Variants in NFE2 observed in about 807,000 individuals in gnomAD.
The protein encoded by NFE2 is transcription factor NF-E2 45 kDa subunit.
A neutral mutation model predicts 25.8 loss-of-function variants in NFE2; 13 were observed. That is an observed-to-expected ratio of 0.50 (90% confidence interval 0.33 to 0.80). The LOEUF is 0.80. Ranked by LOEUF, NFE2 falls within the 30% of genes least tolerant of loss-of-function variation. The pLI is 0.02. For synonymous variants in NFE2, 204 were observed against 200.2 expected (o/e 1.02, Z -0.16); for missense variants, 382 against 478.9 (o/e 0.80, Z 1.89).
At position 54,292,728 on chromosome 12, in the gene NFE2, C is replaced by A. The variant is rs762940028; in HGVS notation, c.768G>T (p.Arg256Ser). The A allele has an allele frequency of 1.9e-6, 3 of 1,614,228 alleles. No homozygotes were observed. ...PVDDFNELLA[R>S]YPLTESQLAL... ...CTAGCTGGCTCTCTGTCAGCGGGTA[C>A]CTTGCCAATAGCTCATTAAAGTCAT... The change falls in exon 3 of 3, where the codon AGG becomes AGT. Residue 256 changes from arginine (R) to serine (S), a missense_variant. By Grantham distance (110) the Arg-to-Ser change is moderately radical. Transcript: ENST00000435572.
intron 1 of NFE2, chr12:54,297,979 C>A (rs1211953765): frequency 6.6e-6 from 1 of 152,058 alleles, no homozygotes; most frequent in Non-Finnish European, 1.5e-5. Flanking sequence ...TCCAGGATGC[C>A]ATTTCAACAC....
Position 54,295,257 on chromosome 12 carries a change from G to C in NFE2, c.-9C>G. 3.1e-6 allele frequency: 5 copies of C among 1,608,828 alleles called. No individual in the cohort carries two copies. The highest frequency in any genetic ancestry group is 4.3e-6 in the Non-Finnish European group (5 of 1,175,312). ...GGAGGACACGGGGACATCCTACTGGGCCAGAGTCTGGTCCAGGTTCCCGGA... is the reference window on the plus strand; with the variant it reads ...GGAGGACACGGGGACATCCTACTGGCCCAGAGTCTGGTCCAGGTTCCCGGA... On this transcript the variant is annotated 5_prime_UTR_variant, in exon 2 of 3. Coordinates refer to ENST00000435572, the MANE Select transcript of NFE2 (RefSeq NM_001136023.3).
At position 54,292,512 on chromosome 12, in the gene NFE2, C is replaced by T. The variant is rs1299000633; in HGVS notation, c.984G>A (p.Glu328=). The T allele has an allele frequency of 4.3e-6, 7 of 1,614,088 alleles. No homozygotes were observed. The Admixed American group carries it at 1.2e-4, about 27-fold the overall frequency. Residue 328 remains glutamate (E), a synonymous_variant, in exon 3 of 3, where the codon GAG becomes GAA. Transcript: ENST00000435572. The part of the protein sequence containing the change: ...TLEVMRQQLT[E]LYRDIFQHLR... ...GGTGCTGGAAAATGTCACGGTACAGCTCTGTCAGCTGTTGGCGCATGACCT... is the reference window on the plus strand; with the variant it reads ...GGTGCTGGAAAATGTCACGGTACAGTTCTGTCAGCTGTTGGCGCATGACCT...
In NFE2 at chr12:54,299,740, C is replaced by T. The variant is rs77829331; in HGVS notation, c.-57+1061G>A. Among the ~76,000 whole-genome samples the T allele has an allele frequency of 3.5e-3, 528 of 152,130 alleles. 15 individuals are homozygous for T. The highest frequency in any genetic ancestry group is 0.029 in the Admixed American group (437 of 15,272). Reference sequence around the variant, plus strand: ...GCCCCAGGGCTCTTAACTTCCTTAACGAGGGGGAACGATGAGAGGGGGCTT... The same window carrying T: ...GCCCCAGGGCTCTTAACTTCCTTAATGAGGGGGAACGATGAGAGGGGGCTT... On this transcript the variant is annotated intron_variant, in intron 1 of 2. Coordinates refer to ENST00000435572, the MANE Select transcript of NFE2 (RefSeq NM_001136023.3).
intron 1 of NFE2, among the ~76,000 whole-genome samples, chr12:54,299,232 G>C (rs1386890452): frequency 6.6e-6 from 1 of 152,160 alleles, no homozygotes; most frequent in Admixed American, 6.5e-5. Context: ...CTATACACCA[G>C]GCATAGGGTC....
At position 54,292,810 on chromosome 12, in the gene NFE2, C is replaced by T. The variant is rs1016215974; in HGVS notation, c.686G>A (p.Arg229Gln). 6.2e-7 allele frequency: 1 copy of T among 1,614,168 alleles called. No individual in the cohort carries two copies. The highest frequency in any genetic ancestry group is 8.5e-7 in the Non-Finnish European group (1 of 1,180,034). The change falls in exon 3 of 3, where the codon CGG becomes CAG. Residue 229 changes from arginine (R) to glutamine (Q), a missense_variant. By Grantham distance (43) the Arg-to-Gln change is conservative. Coordinates refer to ENST00000435572, the MANE Select transcript of NFE2 (RefSeq NM_001136023.3). ...RGEAGSRDERRALAMKIPFPT... is the reference protein window; with the variant it reads ...RGEAGSRDERQALAMKIPFPT... ...AAAAGGAATCTTCATGGCCAAGGCCCGACGTTCATCCCGACTCCCTGCCTC... is the reference window on the plus strand; with the variant it reads ...AAAAGGAATCTTCATGGCCAAGGCCTGACGTTCATCCCGACTCCCTGCCTC...
intron 2 of NFE2, among the ~76,000 whole-genome samples, chr12:54,294,561 GAGA>G (rs1944352079): frequency 6.6e-6 from 1 of 152,158 alleles, no homozygotes. Flanking sequence ...CAGGTGCAGC[GAGA>G]AGTAGAGAAC....
At chr12:54,294,761 G>A (rs374155135) in intron 2 of NFE2, among the ~76,000 whole-genome samples, 4 of 152,250 alleles carry the variant, frequency 2.6e-5, no homozygotes, top group African/African-American at 9.6e-5. Context: ...TGGGGTAAAC[G>A]GGCCCAGTTG....
At position 54,293,362 on chromosome 12, in the gene NFE2, T is replaced by C. The variant is rs546907736; in HGVS notation, c.134A>G (p.Glu45Gly). 1.0e-4 allele frequency: 153 copies of C among 1,526,510 alleles called. 2 individuals are homozygous for C. The South Asian group carries it at 1.5e-3, about 15-fold the overall frequency. The allele number at this position is 1,526,510 out of a possible 1,614,324, so 94.6% of individuals were successfully genotyped here. ...TGGGGCTTGGGGCTCAAATGATGGC[T>C]CACTTGGAGCATTCAGACCCTGCAA... ...TELQGLNAPS[E>G]PSFEPQAPAP... is the part of the protein sequence containing the mutation. Residue 45 changes from glutamate (E) to glycine (G), a missense_variant, in exon 3 of 3, where the codon GAG becomes GGG. Coordinates refer to ENST00000435572, the MANE Select transcript of NFE2 (RefSeq NM_001136023.3).
Position 54,293,297 on chromosome 12 carries a change from G to A in NFE2, c.199C>T (p.Pro67Ser), listed in dbSNP as rs1944337373. 1 of 1,608,984 alleles carries A rather than the reference G, an allele frequency of 6.2e-7. No homozygotes were observed. Among genetic ancestry groups the A allele is most frequent in the Non-Finnish European group, 8.5e-7 (1 of 1,177,160 alleles). ...CCAGAATCTGGGTGGATTGAGCAGG[G>A]GCAGTAAGTTGTGGGTGGTGGAGGT... ...LGPPPPTTYC[P>S]CSIHPDSGFP... The change falls in exon 3 of 3, where the codon CCC becomes TCC. Residue 67 changes from proline to serine, a missense_variant. Pro to Ser is a moderately conservative substitution (Grantham distance 74). Coordinates refer to ENST00000435572, the MANE Select transcript of NFE2 (RefSeq NM_001136023.3).
intron 1 of NFE2, among the ~76,000 whole-genome samples, chr12:54,298,920 G>C (rs536907120): frequency 2.2e-4 from 34 of 151,960 alleles, no homozygotes; most frequent in Admixed American, 2.0e-3. Context: ...GTCTGGTGGC[G>C]CACACCTGTA....
In NFE2 at chr12:54,292,437, T is replaced by A. The variant is rs757097065; in HGVS notation, c.1059A>T (p.Gln353His). The change falls in exon 3 of 3, where the codon CAA (glutamine) becomes CAT (histidine). Residue 353 changes from glutamine to histidine, a missense_variant. Gln to His is a conservative substitution (Grantham distance 24). Transcript: ENST00000435572. The part of the protein sequence containing the change: ...NSYSPEEYAL[Q>H]QAADGTIFLV... ...GGAAGATGGTCCCATCGGCAGCCTG[T>A]TGCAGCGCGTACTCTTCAGGAGAGT... is the stretch of plus-strand genomic sequence containing the variant. The A allele has an allele frequency of 6.2e-7, 1 of 1,614,228 alleles. No homozygotes were observed. The highest frequency in any genetic ancestry group is 1.6e-4 in the Middle Eastern group (1 of 6,062).
In NFE2 at chr12:54,295,309, G is replaced by A; in HGVS notation, c.-56-5C>T. ...AGCCCAGATGGCTCTAGAAACCTGT[G>A]TCAAAGGAAAAGAGGTGTTAGAGCT... is the stretch of plus-strand genomic sequence containing the variant. On this transcript the variant is annotated splice_polypyrimidine_tract_variant and splice_region_variant and intron_variant, in intron 1 of 2. Transcript: ENST00000435572. 7.1e-7 allele frequency: 1 copy of A among 1,407,122 alleles called. No individual in the cohort carries two copies. The highest frequency in any genetic ancestry group is 1.0e-6 in the Non-Finnish European group (1 of 995,068). 87.2% of individuals were successfully genotyped at this position (1,407,122 alleles called of 1,614,324 possible).
At chr12:54,299,698 A>T (rs1565887962) in intron 1 of NFE2, among the ~76,000 whole-genome samples, 1 of 152,158 alleles carries the variant, frequency 6.6e-6, no homozygotes, top group Admixed American at 6.5e-5. Context: ...AGAGGAATAC[A>T]TTTGGCCTTA....
Position 54,292,353 on chromosome 12 carries a change from G to A in NFE2, c.*21C>T. The A allele has an allele frequency of 6.2e-7, 1 of 1,606,082 alleles. No homozygotes were observed. Among genetic ancestry groups the A allele is most frequent in the Non-Finnish European group, 8.5e-7 (1 of 1,173,930 alleles). On this transcript the variant is annotated 3_prime_UTR_variant, in exon 3 of 3. Coordinates refer to ENST00000435572, the MANE Select transcript of NFE2 (RefSeq NM_001136023.3). ...GGGAATGAAGGAAATCCCATCAGCA[G>A]TTCCACCCCTCTGGGCCAGCTCAGT...
chr12:54,293,448 A>C (rs10506328), intron 2 of NFE2, 67 bp from the exon 3 acceptor site: 944,438 of 1,383,724 alleles, frequency 0.68, 329,763 homozygotes, highest in East Asian at 1. Flanking sequence ...TCTCTCAGGA[A>C]CAAGCTGGAT....
chr12:54,292,513 T>C lies in NFE2; in HGVS notation c.983A>G (p.Glu328Gly), dbSNP rs201520998. 1 of 1,614,178 alleles carries C rather than the reference T, an allele frequency of 6.2e-7. No individual in the cohort carries two copies. The highest frequency in any genetic ancestry group is 1.3e-5 in the African/African-American group (1 of 75,046). ...GTGCTGGAAAATGTCACGGTACAGC[T>C]CTGTCAGCTGTTGGCGCATGACCTC... ...TLEVMRQQLT[E>G]LYRDIFQHLR... Residue 328 changes from glutamate (E) to glycine (G), a missense_variant, in exon 3 of 3, where the codon GAG becomes GGG. By Grantham distance (98) the Glu-to-Gly change is moderately conservative. Transcript: ENST00000435572.
rs1944335791 is a variant in NFE2 at position 54,293,209 on chromosome 12, G to A, written c.287C>T (p.Pro96Leu). The A allele has an allele frequency of 3.1e-6, 5 of 1,601,598 alleles. No homozygotes were observed. Among genetic ancestry groups the A allele is most frequent in the Non-Finnish European group, 4.3e-6 (5 of 1,173,564 alleles). Reference sequence around the variant, plus strand: ...TATGGCCATGTTGCCATAGGAGTATGGGGGATCTGGGACATGGGATGTGGA... The same window carrying A: ...TATGGCCATGTTGCCATAGGAGTATAGGGGATCTGGGACATGGGATGTGGA... ...PASTSHVPDP[P>L]YSYGNMAIPV... The change falls in exon 3 of 3, where the codon CCA (proline) becomes CTA (leucine). Residue 96 changes from proline to leucine, a missense_variant. Physicochemically the swap from Pro to Leu is moderately conservative, Grantham distance 98. Coordinates refer to ENST00000435572, the MANE Select transcript of NFE2 (RefSeq NM_001136023.3).
chr12:54,292,307 T>C lies in NFE2; in HGVS notation c.*67A>G, dbSNP rs1944323596. The stretch of plus-strand genomic sequence containing the variant: ...CTCAGCTCCTTCTGGGACTCAGGGT[T>C]GGGGAGTACCTTTATCAGAAGGGAA... On this transcript the variant is annotated 3_prime_UTR_variant, in exon 3 of 3. Transcript: ENST00000435572. 1 of 1,527,924 alleles carries C rather than the reference T, an allele frequency of 6.5e-7. No individual in the cohort carries two copies. Among genetic ancestry groups the C allele is most frequent in the African/African-American group, 1.4e-5 (1 of 73,208 alleles). The allele number at this position is 1,527,924 out of a possible 1,614,324, so 94.6% of individuals were successfully genotyped here.
Sources: gnomAD v4.1 joint callset for allele counts (sites outside exome capture counted in the v4.1 genomes callset) on GRCh38, gnomAD v4.1.1 for gene constraint, MANE v1.5 for transcripts, NCBI Gene and HGNC (gene_info 2026-07-23, HGNC 2026-07-21) for gene names.